The following TOX variants were observed in gnomAD, a reference collection of about 807,000 sequenced individuals.
TOX encodes the protein thymocyte selection-associated high mobility group box protein TOX.
Under a neutral mutation model 53.7 loss-of-function variants are expected in TOX, and 11 were observed. That is an observed-to-expected ratio of 0.20 (90% CI 0.13 to 0.34). TOX has a LOEUF of 0.34. TOX is among the 10% of genes least tolerant of loss of function. The pLI is 1.00. For missense variants in TOX, 570 were observed against 664.6 expected, an observed-to-expected ratio of 0.86 and a Z score of 1.56; for synonymous variants, 225 against 245.3, an observed-to-expected ratio of 0.92 and a Z score of 0.77.
chr8:58,886,646 C>T (rs1443128029), intron 3 of TOX, among the ~76,000 whole-genome samples: 1 of 152,014 alleles, frequency 6.6e-6, no homozygotes, highest in Non-Finnish European at 1.5e-5. Flanking sequence ...GATAATTACA[C>T]ATGAAAAGTT....
intron 1 of TOX, among the ~76,000 whole-genome samples, chr8:59,108,139 C>A (rs948569908): frequency 1.3e-5 from 2 of 152,226 alleles, no homozygotes; most frequent in South Asian, 4.1e-4. Flanking sequence ...TCACCACTGA[C>A]GAATAATGTG....
At position 59,006,643 on chromosome 8, in the gene TOX, C is replaced by A. The variant is rs554094517; in HGVS notation, c.103-46635G>T. Among the ~76,000 whole-genome samples the A allele has an allele frequency of 2.0e-5, 3 of 152,296 alleles. No individual in the cohort carries two copies. The East Asian group carries it at 5.8e-4, about 29-fold the overall frequency. ...TAATATATATCTAATCCTCTAGGAA[C>A]TTTTACTAAATATTAGTAATACTGA... is the stretch of plus-strand genomic sequence containing the variant. On this transcript the variant is annotated intron_variant, in intron 1 of 8. Transcript: ENST00000361421.
Position 58,859,757 on chromosome 8 carries a change from A to G in TOX, c.412-7952T>C, listed in dbSNP as rs113184325. 1.4e-3 allele frequency among the ~76,000 whole-genome samples: 220 copies of G among 152,206 alleles called. 3 individuals are homozygous for G. Among genetic ancestry groups the G allele is most frequent in the African/African-American group, 5.0e-3 (209 of 41,532 alleles). On this transcript the variant is annotated intron_variant, in intron 3 of 8. Transcript: ENST00000361421. The stretch of plus-strand genomic sequence containing the variant: ...TCCACGAATGGGCCCCTTATTACTC[A>G]AGGAATTTGGTGTGTTCAGAGCAAA...
rs1173710545 is a variant in TOX, at chr8:58,873,958, C to CTTTTTTTTTTTTTTT, written c.412-22168_412-22154dup. ...AATACACATCCTGAATGCCAGGAAG[C>CTTTTTTTTTTTTTTT]TTTTTTTTTTTTTTTTTTTTTTTTT... On this transcript the variant is annotated intron_variant, in intron 3 of 8. Coordinates refer to ENST00000361421, the MANE Select transcript of TOX (RefSeq NM_014729.3). 4.2e-3 allele frequency among the ~76,000 whole-genome samples: 170 copies of CTTTTTTTTTTTTTTT among 40,136 alleles called. 62 individuals are homozygous for CTTTTTTTTTTTTTTT. The highest frequency in any genetic ancestry group is 0.024 in the African/African-American group (138 of 5,792). 26.3% of individuals were successfully genotyped at this position (40,136 alleles called of 152,430 possible).
At chr8:59,002,436 C>A (rs557142973) in intron 1 of TOX, among the ~76,000 whole-genome samples, 250 of 150,958 alleles carry the variant, frequency 1.7e-3, no homozygotes, top group South Asian at 8.6e-3. Flanking sequence ...ACTAAAAATA[C>A]AAAAAATTAG....
At chr8:59,052,164 C>T (rs1035138158) in intron 1 of TOX, among the ~76,000 whole-genome samples, 4 of 152,106 alleles carry the variant, frequency 2.6e-5, no homozygotes, top group South Asian at 2.1e-4. Flanking sequence ...AACAAGGATG[C>T]TATATTTTAA....
chr8:58,956,403 T>C (rs1256781508), intron 2 of TOX, among the ~76,000 whole-genome samples: 1 of 152,162 alleles, frequency 6.6e-6, no homozygotes, highest in Non-Finnish European at 1.5e-5. Flanking sequence ...CCTGCTGGCA[T>C]ATTCGTCCAG....
At chr8:58,979,143 G>A (rs933974282) in intron 1 of TOX, among the ~76,000 whole-genome samples, 2 of 152,178 alleles carry the variant, frequency 1.3e-5, no homozygotes, top group East Asian at 3.9e-4. Flanking sequence ...GTAGATACAG[G>A]ATTTTACATG....
Position 58,972,823 on chromosome 8 carries a change from A to T in TOX, c.103-12815T>A, listed in dbSNP as rs184044151. Among the ~76,000 whole-genome samples the T allele has an allele frequency of 3.8e-4, 58 of 152,354 alleles. No individual in the cohort carries two copies. The East Asian group carries it at 9.6e-3, about 25-fold the overall frequency. On this transcript the variant is annotated intron_variant, in intron 1 of 8. Coordinates refer to ENST00000361421, the MANE Select transcript of TOX (RefSeq NM_014729.3). ...GCTATAAAAAATTCTTGCATAAAGTAATCTTTTTACCATTAAGTAAATTAA... is the reference window on the plus strand; with the variant it reads ...GCTATAAAAAATTCTTGCATAAAGTTATCTTTTTACCATTAAGTAAATTAA...
chr8:59,089,715 A>G (rs571788336), intron 1 of TOX, among the ~76,000 whole-genome samples: 35 of 152,326 alleles, frequency 2.3e-4, no homozygotes, highest in Admixed American at 1.6e-3. Context: ...CAGCCTCCCC[A>G]GTCGCTGGGA....
At chr8:58,933,731 T>A (rs527687573) in intron 3 of TOX, among the ~76,000 whole-genome samples, 38 of 152,204 alleles carry the variant, frequency 2.5e-4, no homozygotes, top group African/African-American at 8.2e-4. Flanking sequence ...AGAAGGATCA[T>A]GGAGATCAAC....
chr8:58,881,723 C>CAAAAAAAA (rs11316154), intron 3 of TOX, among the ~76,000 whole-genome samples: 1 of 82,518 alleles, frequency 1.2e-5, no homozygotes, highest in African/African-American at 5.1e-5. Context: ...GATTCCATCT[C>CAAAAAAAA]AAAAAAAAAA....
chr8:58,857,560 C>G (rs2129168791), intron 3 of TOX, among the ~76,000 whole-genome samples: 1 of 152,094 alleles, frequency 6.6e-6, no homozygotes, highest in South Asian at 2.1e-4. Flanking sequence ...AACAAAAGTC[C>G]CATTAAAATC....
At chr8:58,881,972 G>A (rs1811391273) in intron 3 of TOX, among the ~76,000 whole-genome samples, 1 of 152,168 alleles carries the variant, frequency 6.6e-6, no homozygotes, top group Non-Finnish European at 1.5e-5. Flanking sequence ...ATTAGCCTTT[G>A]CGGTAACTTT....
chr8:59,090,593 T>C (rs970823642), intron 1 of TOX, among the ~76,000 whole-genome samples: 1 of 152,214 alleles, frequency 6.6e-6, no homozygotes, highest in Non-Finnish European at 1.5e-5. Flanking sequence ...CTTAAGGTCA[T>C]GAGCTCCTCA....
At chr8:59,107,241 C>CA (rs2129424731) in intron 1 of TOX, among the ~76,000 whole-genome samples, 1 of 152,230 alleles carries the variant, frequency 6.6e-6, no homozygotes, top group East Asian at 1.9e-4. Flanking sequence ...TCAAACCTTT[C>CA]AATTTATGAA....
intron 1 of TOX, among the ~76,000 whole-genome samples, chr8:59,017,078 C>G (rs1277982086): frequency 6.6e-6 from 1 of 152,184 alleles, no homozygotes; most frequent in Non-Finnish European, 1.5e-5. Flanking sequence ...GAAGAGTCCA[C>G]GTTTCACCTC....
At chr8:59,078,681 A>G (rs1472844764) in intron 1 of TOX, among the ~76,000 whole-genome samples, 1 of 152,232 alleles carries the variant, frequency 6.6e-6, no homozygotes, top group Non-Finnish European at 1.5e-5. Flanking sequence ...CTAACACAGA[A>G]AATTGGTACC....
chr8:59,110,355 T>G (rs536403615), intron 1 of TOX, among the ~76,000 whole-genome samples: 1 of 152,096 alleles, frequency 6.6e-6, no homozygotes, highest in East Asian at 1.9e-4. Context: ...TAGGCTGAGG[T>G]GTATTGGTAT....
Sources: gnomAD v4.1 joint callset for allele counts (sites outside exome capture counted in the v4.1 genomes callset) on GRCh38, gnomAD v4.1.1 for gene constraint, MANE v1.5 for transcripts, NCBI Gene and HGNC (gene_info 2026-07-23, HGNC 2026-07-21) for gene names.